The following GAS7 variants were observed in gnomAD, a reference collection of about 807,000 sequenced individuals.
GAS7 encodes growth arrest specific 7.
A neutral mutation model predicts 71.1 loss-of-function variants in GAS7; 28 were observed. The observed-to-expected ratio is 0.39, with a 90% CI of 0.29 to 0.54. The LOEUF (loss-of-function observed/expected upper bound fraction) is 0.54. Ranked by LOEUF, GAS7 falls within the 20% of genes least tolerant of loss-of-function variation. The probability of loss-of-function intolerance (pLI) is 0.62; values close to 1 mark genes in which losing one functional copy is unlikely to be tolerated. For missense variants in GAS7, 436 were observed against 627.8 expected (o/e 0.69, Z 3.27); for synonymous variants, 258 against 245.8 (o/e 1.05, Z -0.46).
intron 2 of GAS7, among the ~76,000 whole-genome samples, chr17:10,013,881 A>C (rs960086192): frequency 2.0e-5 from 3 of 152,128 alleles, no homozygotes; most frequent in Non-Finnish European, 4.4e-5. Flanking sequence ...CTGTGCTGCA[A>C]GGCCCCGGGT....
chr17:10,116,784 TC>T (rs2073865259), intron 1 of GAS7, among the ~76,000 whole-genome samples: 1 of 151,908 alleles, frequency 6.6e-6, no homozygotes, highest in Admixed American at 6.6e-5. Context: ...AAGACAAAGA[TC>T]CATGCCTCAG....
chr17:10,053,641 C>G (rs1402153465), intron 1 of GAS7, among the ~76,000 whole-genome samples: 1 of 152,050 alleles, frequency 6.6e-6, no homozygotes, highest in African/African-American at 2.4e-5. Context: ...CCCACAGATG[C>G]AAGTGCTGAA....
In GAS7 at chr17:10,127,282, C is replaced by T. The variant is rs185069436; in HGVS notation, c.183+70926G>A. On this transcript the variant is annotated intron_variant, in intron 1 of 13. Transcript: ENST00000432992. ...CCTCCTCAGATGCAGCCTCAGCTTG[C>T]GTCAGGGGAACGCCTGGTTTCCAGG... 1.8e-3 allele frequency among the ~76,000 whole-genome samples: 268 copies of T among 152,260 alleles called. 1 individual carries two copies. Among genetic ancestry groups the T allele is most frequent in the Non-Finnish European group, 2.9e-3 (194 of 68,020 alleles).
At chr17:10,125,443 G>A (rs1252514990) in intron 1 of GAS7, among the ~76,000 whole-genome samples, 1 of 151,282 alleles carries the variant, frequency 6.6e-6, no homozygotes, top group Non-Finnish European at 1.5e-5. Flanking sequence ...CTTGAACATG[G>A]GAGGCAGATG....
chr17:9,979,528 T>C (rs1372335073), intron 3 of GAS7, among the ~76,000 whole-genome samples: 2 of 152,212 alleles, frequency 1.3e-5, no homozygotes, highest in Admixed American at 6.5e-5. Context: ...AGGCAGCTCC[T>C]GTGAGCATCC....
intron 3 of GAS7, among the ~76,000 whole-genome samples, chr17:9,973,388 G>C (rs534093304): frequency 1.5e-3 from 235 of 152,022 alleles, no homozygotes; most frequent in Non-Finnish European, 2.7e-3. Flanking sequence ...CGAGTAGCTG[G>C]GATTACAGGC....
intron 1 of GAS7, among the ~76,000 whole-genome samples, chr17:10,124,991 A>G (rs1197180649): frequency 2.7e-5 from 4 of 150,938 alleles, no homozygotes; most frequent in Non-Finnish European, 5.9e-5. Flanking sequence ...AGTGGTCCAC[A>G]TTTCCTGGAA....
intron 1 of GAS7, among the ~76,000 whole-genome samples, chr17:10,140,390 G>T (rs1348034364): frequency 6.6e-6 from 1 of 152,120 alleles, no homozygotes; most frequent in Non-Finnish European, 1.5e-5. Context: ...TGAGTCCGGG[G>T]GTTGAGGCTG....
At chr17:10,036,275 C>T (rs2072749089) in intron 1 of GAS7, among the ~76,000 whole-genome samples, 1 of 152,036 alleles carries the variant, frequency 6.6e-6, no homozygotes, top group Admixed American at 6.5e-5. Flanking sequence ...GAAAGGTGCC[C>T]CCTAGCACAC....
At chr17:10,073,413 C>T (rs2073360812) in intron 1 of GAS7, among the ~76,000 whole-genome samples, 2 of 152,142 alleles carry the variant, frequency 1.3e-5, no homozygotes, top group Admixed American at 1.3e-4. Context: ...GAAGTCAGAA[C>T]ACAGGACTTA....
intron 9 of GAS7, among the ~76,000 whole-genome samples, chr17:9,931,257 G>A (rs952535401): frequency 2.0e-5 from 3 of 152,138 alleles, no homozygotes; most frequent in Non-Finnish European, 2.9e-5. Flanking sequence ...ATGCTATCTC[G>A]CGTGGTGGTT....
At chr17:10,041,087 A>G (rs542950272) in intron 1 of GAS7, among the ~76,000 whole-genome samples, 2 of 150,710 alleles carry the variant, frequency 1.3e-5, no homozygotes, top group East Asian at 4.0e-4. Context: ...GCTTGAACTC[A>G]GGAGGCAGAG....
chr17:10,016,384 C>CAAAAA (rs1217937101), intron 2 of GAS7, among the ~76,000 whole-genome samples: 1,166 of 71,340 alleles, frequency 0.016, 31 homozygotes, highest in East Asian at 0.11. Context: ...GACTCCGTCT[C>CAAAAA]AAAAAAAAAA....
intron 1 of GAS7, among the ~76,000 whole-genome samples, chr17:10,128,618 C>A (rs1312982844): frequency 6.6e-6 from 1 of 151,110 alleles, no homozygotes; most frequent in African/African-American, 2.4e-5. Context: ...GATCGTTTTG[C>A]TTTTTCTTTT....
chr17:10,061,925 G>C (rs2073224381), intron 1 of GAS7, among the ~76,000 whole-genome samples: 1 of 152,176 alleles, frequency 6.6e-6, no homozygotes, highest in Admixed American at 6.5e-5. Context: ...GCAATACTTG[G>C]TGACATTTAC....
chr17:10,122,730 CT>C (rs2073914731), intron 1 of GAS7, among the ~76,000 whole-genome samples: 1 of 152,198 alleles, frequency 6.6e-6, no homozygotes, highest in South Asian at 2.1e-4. Context: ...GTACAATTAA[CT>C]GAAATATCTA....
At chr17:9,920,739 G>A (rs1286233237) in intron 11 of GAS7, among the ~76,000 whole-genome samples, 1 of 152,206 alleles carries the variant, frequency 6.6e-6, no homozygotes, top group African/African-American at 2.4e-5. Context: ...TCCTCACAGG[G>A]CTCCAGCAAG....
At chr17:10,107,613 C>T (rs1279418042) in intron 1 of GAS7, among the ~76,000 whole-genome samples, 1 of 149,522 alleles carries the variant, frequency 6.7e-6, no homozygotes, top group Non-Finnish European at 1.5e-5. Flanking sequence ...CCGCCTTACA[C>T]ACAGTCCAGT....
At chr17:10,041,561 T>C (rs1235358926) in intron 1 of GAS7, among the ~76,000 whole-genome samples, 1 of 152,214 alleles carries the variant, frequency 6.6e-6, no homozygotes, top group Non-Finnish European at 1.5e-5. Context: ...CCTGCAGACA[T>C]TTAATTCTTT....
Sources: allele counts gnomAD v4.1 joint callset (sites outside exome capture counted in the v4.1 genomes callset), GRCh38; gene constraint gnomAD v4.1.1; transcripts MANE v1.5; gene names NCBI Gene and HGNC (gene_info 2026-07-23, HGNC 2026-07-21).